The following TLK1 variants were observed in gnomAD, a reference collection of about 807,000 sequenced individuals.
TLK1 encodes tousled like kinase 1.
TLK1 carries 24 observed loss-of-function variants against 105.3 expected under a neutral mutation model. The observed-to-expected ratio is 0.23, with a 90% confidence interval of 0.17 to 0.32. The LOEUF is 0.32. Among genes scored for constraint, TLK1 ranks in the 10% least tolerant of loss-of-function variants. The probability of loss-of-function intolerance (pLI) is 1.00; values close to 1 mark genes in which losing one functional copy is unlikely to be tolerated. For synonymous variants in TLK1, 321 were observed against 310.4 expected (o/e 1.03, Z -0.36); for missense variants, 558 against 910.5 (o/e 0.61, Z 4.98).
intron 1 of TLK1, among the ~76,000 whole-genome samples, chr2:171,196,859 C>CCTAT (rs1470730791): frequency 6.6e-6 from 1 of 152,160 alleles, no homozygotes; most frequent in African/African-American, 2.4e-5. Context: ...AGTAACTATG[C>CCTAT]CTATATGAAT....
intron 1 of TLK1, among the ~76,000 whole-genome samples, chr2:171,125,422 A>G (rs540111437): frequency 2.1e-4 from 32 of 152,342 alleles, no homozygotes; most frequent in Non-Finnish European, 3.7e-4. Context: ...AAGCACGTCT[A>G]TATTTTTCTC....
At position 171,224,226 on chromosome 2, in the gene TLK1, T is replaced by A. The variant is rs541397131; in HGVS notation, c.-6+6919A>T. 3.4e-4 allele frequency among the ~76,000 whole-genome samples: 52 copies of A among 152,344 alleles called. 1 individual carries two copies. In the South Asian group the frequency reaches 0.011, roughly 32 times the overall value. The stretch of plus-strand genomic sequence containing the variant: ...ACTGTCTTTTCCTCAATATATGATC[T>A]TGGCACTGTTGTAAAAAATCAGTTG... On this transcript the variant is annotated intron_variant, in intron 1 of 20. Transcript: ENST00000521943.
chr2:171,058,808 T>C (rs1025007595), intron 4 of TLK1, among the ~76,000 whole-genome samples: 2 of 152,152 alleles, frequency 1.3e-5, no homozygotes, highest in Non-Finnish European at 2.9e-5. Context: ...TTAGAGATGC[T>C]TTCTTGGGGG....
At chr2:171,147,609 G>A (rs1418257457) in intron 1 of TLK1, among the ~76,000 whole-genome samples, 1 of 152,120 alleles carries the variant, frequency 6.6e-6, no homozygotes. Context: ...TTTCCTCTCT[G>A]TTTATGTGGC....
intron 8 of TLK1, among the ~76,000 whole-genome samples, chr2:171,051,401 A>G (rs1687230144): frequency 6.6e-6 from 1 of 152,040 alleles, no homozygotes; most frequent in African/African-American, 2.4e-5. Context: ...ATGAGATGCA[A>G]GCAGAAGTTG....
At chr2:171,216,213 A>G (rs939962776) in intron 1 of TLK1, among the ~76,000 whole-genome samples, 5 of 152,214 alleles carry the variant, frequency 3.3e-5, no homozygotes, top group Admixed American at 2.6e-4. Context: ...GCAGTGGCTC[A>G]CGCCTGTAAT....
intron 1 of TLK1, among the ~76,000 whole-genome samples, chr2:171,200,533 A>G (rs904362189): frequency 4.6e-5 from 7 of 152,204 alleles, no homozygotes; most frequent in Admixed American, 2.6e-4. Context: ...CAGGCAAGCT[A>G]AATAAAATTG....
intron 1 of TLK1, among the ~76,000 whole-genome samples, chr2:171,199,257 T>A (rs1693352616): frequency 6.6e-6 from 1 of 152,148 alleles, no homozygotes; most frequent in Non-Finnish European, 1.5e-5. Flanking sequence ...ATGCCTATAA[T>A]CCCAGCACTT....
At chr2:171,215,014 C>A (rs1693687607) in intron 1 of TLK1, among the ~76,000 whole-genome samples, 3 of 152,120 alleles carry the variant, frequency 2.0e-5, no homozygotes, top group African/African-American at 7.2e-5. Context: ...GATCATGGCC[C>A]ATTGTAACCT....
At chr2:171,035,083 G>A (rs1244117339) in intron 11 of TLK1, among the ~76,000 whole-genome samples, 14 of 152,190 alleles carry the variant, frequency 9.2e-5, no homozygotes, top group South Asian at 4.2e-4. Context: ...GCTCATGCCC[G>A]TAATCCCAGC....
intron 3 of TLK1, among the ~76,000 whole-genome samples, chr2:171,067,358 T>A (rs1331295990): frequency 6.6e-6 from 1 of 151,744 alleles, no homozygotes; most frequent in African/African-American, 2.4e-5. Flanking sequence ...AGATGGGGTT[T>A]CTCCATGTTG....
chr2:171,144,938 G>A (rs529144216), intron 1 of TLK1, among the ~76,000 whole-genome samples: 27 of 152,194 alleles, frequency 1.8e-4, no homozygotes, highest in African/African-American at 6.3e-4. Flanking sequence ...AAAGGATAAC[G>A]AAAAGGCCAA....
At chr2:171,063,020 C>T (rs1687825953) in intron 3 of TLK1, among the ~76,000 whole-genome samples, 1 of 152,114 alleles carries the variant, frequency 6.6e-6, no homozygotes, top group Non-Finnish European at 1.5e-5. Context: ...AAAAATATCA[C>T]TACATTAAAA....
At chr2:171,092,752 T>G (rs1414515374) in intron 2 of TLK1, among the ~76,000 whole-genome samples, 1 of 152,156 alleles carries the variant, frequency 6.6e-6, no homozygotes, top group Non-Finnish European at 1.5e-5. Flanking sequence ...AGGGCAAGGA[T>G]TTTGTCCTCT....
chr2:171,062,420 T>C (rs532485559), intron 3 of TLK1, among the ~76,000 whole-genome samples: 44 of 152,350 alleles, frequency 2.9e-4, no homozygotes, highest in Middle Eastern at 6.8e-3. Context: ...CTAATTCTTA[T>C]TGAACACATA....
intron 1 of TLK1, among the ~76,000 whole-genome samples, chr2:171,137,652 C>T (rs1691381817): frequency 6.6e-6 from 1 of 152,132 alleles, no homozygotes; most frequent in South Asian, 2.1e-4. Context: ...AGTTCGCGAC[C>T]AACCTGGGCA....
In TLK1 at chr2:171,084,768, A is replaced by G. The variant is rs1688897470; in HGVS notation, c.259-1916T>C. ...TGAACTAAGAGATATTACAAAAAGG[A>G]CTCAAGACATGAAACAACTATATAA... On this transcript the variant is annotated intron_variant, in intron 2 of 20. Transcript: ENST00000431350. Among the ~76,000 whole-genome samples the G allele has an allele frequency of 3.9e-5, 6 of 152,212 alleles. No individual in the cohort carries two copies. The South Asian group carries it at 1.2e-3, about 31-fold the overall frequency.
chr2:171,229,163 C>A (rs1044509905), intron 1 of TLK1, among the ~76,000 whole-genome samples: 1 of 152,152 alleles, frequency 6.6e-6, no homozygotes, highest in Non-Finnish European at 1.5e-5. Context: ...TGAGGCCTTC[C>A]CACTTAATTG....
intron 3 of TLK1, chr2:171,066,723 T>C (rs1430136687): frequency 3.0e-6 from 3 of 996,218 alleles, no homozygotes; most frequent in Middle Eastern, 3.2e-4. Flanking sequence ...TCTTATCACT[T>C]ACGTAGTCTA....
Sources: gnomAD v4.1 joint callset for allele counts (sites outside exome capture counted in the v4.1 genomes callset) on GRCh38, gnomAD v4.1.1 for gene constraint, MANE v1.5 for transcripts, NCBI Gene and HGNC (gene_info 2026-07-23, HGNC 2026-07-21) for gene names.